Variants in C1QBP observed in about 807,000 individuals in gnomAD.
C1QBP encodes complement C1q binding protein.
A neutral mutation model predicts 29.4 loss-of-function variants in C1QBP; 24 were observed. That is an observed-to-expected ratio of 0.82 (90% CI 0.59 to 1.15). C1QBP has a LOEUF of 1.15. C1QBP is among the 50% of genes most tolerant of loss of function. The pLI, the probability that C1QBP is intolerant of heterozygous loss-of-function variation, is 0.00. For missense variants in C1QBP, 337 were observed against 355.8 expected (o/e 0.95, Z 0.43); for synonymous variants, 182 against 149.2 (o/e 1.22, Z -1.60).
intron 1 of C1QBP, 144 bp downstream of exon 1, chr17:5,438,698 T>C (rs1916339309): frequency 6.6e-7 from 1 of 1,513,790 alleles, no homozygotes; most frequent in Admixed American, 2.0e-5. Context: ...GTGGGGGAAA[T>C]ATGATCATAC....
chr17:5,433,811 T>C (rs987920324), intron 3 of C1QBP, 44 bp from the exon 4 acceptor site: 3 of 1,523,878 alleles, frequency 2.0e-6, no homozygotes, highest in Non-Finnish European at 2.7e-6. Context: ...TGGAAGGAGA[T>C]GGATGGCTGG....
chr17:5,437,410 C>T (rs1039410887), intron 2 of C1QBP, among the ~76,000 whole-genome samples: 5 of 152,210 alleles, frequency 3.3e-5, no homozygotes, highest in African/African-American at 1.2e-4. Context: ...GATCTCGACT[C>T]ACTGCAACCT....
Position 5,433,350 on chromosome 17 carries a change from A to C in C1QBP, c.642T>G (p.Thr214=). The C allele has an allele frequency of 1.9e-6, 3 of 1,614,176 alleles. No homozygotes were observed. The highest frequency in any genetic ancestry group is 2.5e-6 in the Non-Finnish European group (3 of 1,180,016). Residue 214 remains threonine (T), a synonymous_variant, in exon 5 of 6, where the codon ACT becomes ACG. Transcript: ENST00000225698. The part of the protein sequence containing the change: ...FSIREVSFQS[T]GESEWKDTNY... ...TAGTATCCTTCCATTCAGACTCGCC[A>C]GTGGACTGAAAGCTAACTTCCCTGA... is the stretch of plus-strand genomic sequence containing the variant.
At position 5,434,960 on chromosome 17, in the gene C1QBP, C is replaced by G. The variant is rs757702302; in HGVS notation, c.390G>C (p.Thr130=). The G allele has an allele frequency of 9.9e-6, 16 of 1,613,436 alleles. No homozygotes were observed. Among genetic ancestry groups the G allele is most frequent in the Non-Finnish European group, 1.4e-5 (16 of 1,179,636 alleles). The change falls in exon 3 of 6, where the codon ACG becomes ACC. Residue 130 remains threonine (T), a synonymous_variant. Transcript: ENST00000225698. ...TGCTGTTGTTAATGTTGAAAGTGACCGTGATTCTAAAACGGCAAGGGAAAA... is the reference window on the plus strand; with the variant it reads ...TGCTGTTGTTAATGTTGAAAGTGACGGTGATTCTAAAACGGCAAGGGAAAA... ...LVRKVAGEKI[T]VTFNINNSIP... is the part of the protein sequence containing the mutation.
Position 5,435,822 on chromosome 17 carries a change from G to C in C1QBP, c.384-856C>G, listed in dbSNP as rs1443035217. Among the ~76,000 whole-genome samples, 1,095 of 141,294 alleles carry C rather than the reference G, an allele frequency of 7.7e-3. 13 individuals carry two copies. The highest frequency in any genetic ancestry group is 0.028 in the African/African-American group (1,012 of 35,810). The allele number at this position is 141,294 out of a possible 152,430, so 92.7% of individuals were successfully genotyped here. ...AGGTGGGCAGATCACGAGGTCAAGAGATCGAGACCATCCTGGCCAACACGA... is the reference window on the plus strand; with the variant it reads ...AGGTGGGCAGATCACGAGGTCAAGACATCGAGACCATCCTGGCCAACACGA... On this transcript the variant is annotated intron_variant, in intron 2 of 5. Coordinates refer to ENST00000225698, the MANE Select transcript of C1QBP (RefSeq NM_001212.4).
At chr17:5,438,704 C>A in intron 1 of C1QBP, 138 bp downstream of exon 1, 1 of 1,525,092 alleles carries the variant, frequency 6.6e-7, no homozygotes, top group South Asian at 1.2e-5. Context: ...GAAATATGAT[C>A]ATACGTGGGT....
chr17:5,434,855 A>G lies in C1QBP; in HGVS notation c.477+18T>C, dbSNP rs1001095419. On this transcript the variant is annotated intron_variant, in intron 3 of 5. Coordinates refer to ENST00000225698, the MANE Select transcript of C1QBP (RefSeq NM_001212.4). ...CCTGTCAGAACTGAGGTAAAAGCTG[A>G]TTATAGTATTAGCTTACCTCCTGTT... 2.5e-6 allele frequency: 4 copies of G among 1,601,430 alleles called. No homozygotes were observed. The highest frequency in any genetic ancestry group is 3.4e-6 in the Non-Finnish European group (4 of 1,168,592).
At position 5,433,764 on chromosome 17, in the gene C1QBP, C is replaced by G. The variant is rs1172665782; in HGVS notation, c.481G>C (p.Glu161Gln). 2 of 1,613,916 alleles carry G rather than the reference C, an allele frequency of 1.2e-6. No individual in the cohort carries two copies. The highest frequency in any genetic ancestry group is 1.7e-6 in the Non-Finnish European group (2 of 1,179,878). Reference sequence around the variant, plus strand: ...ACGAAATTGGGAGTTGATGTCAGTTCAGGCTGGGGAAACAAGAAGTCAATA... The same window carrying G: ...ACGAAATTGGGAGTTGATGTCAGTTGAGGCTGGGGAAACAAGAAGTCAATA... ...QGQKVEEQEP[E>Q]LTSTPNFVVE... Residue 161 changes from glutamate to glutamine, a missense_variant, in exon 4 of 6, where the codon GAA (glutamate) becomes CAA (glutamine). Physicochemically the swap from Glu to Gln is conservative, Grantham distance 29. Transcript: ENST00000225698.
intron 1 of C1QBP, 44 bp downstream of exon 1, chr17:5,438,798 C>CGAA: frequency 6.5e-7 from 1 of 1,546,664 alleles, no homozygotes. Flanking sequence ...CTACGTTTTC[C>CGAA]CTCTGTTGAA....
intron 3 of C1QBP, 99 bp downstream of exon 3, chr17:5,434,774 T>G: frequency 8.2e-6 from 2 of 243,496 alleles, no homozygotes; most frequent in Non-Finnish European, 1.2e-5. Context: ...CTTAGAGGAA[T>G]TTTTTTTTTT....
intron 2 of C1QBP, among the ~76,000 whole-genome samples, chr17:5,435,585 A>G (rs970667523): frequency 2.6e-5 from 4 of 152,154 alleles, no homozygotes; most frequent in African/African-American, 7.2e-5. Flanking sequence ...ATCACAAAGC[A>G]GGCCAGACAC....
rs772201874 is a variant in C1QBP, at chr17:5,434,973, C to T, written c.384-7G>A. On this transcript the variant is annotated splice_region_variant and splice_polypyrimidine_tract_variant and intron_variant, in intron 2 of 5. Transcript: ENST00000225698. ...GTTGAAAGTGACCGTGATTCTAAAA[C>T]GGCAAGGGAAAACAGACAAGGCAAA... is the stretch of plus-strand genomic sequence containing the variant. 6.2e-6 allele frequency: 10 copies of T among 1,611,808 alleles called. No individual in the cohort carries two copies. Among genetic ancestry groups the T allele is most frequent in the African/African-American group, 2.7e-5 (2 of 74,830 alleles).
At chr17:5,438,624 G>A (rs983537843) in intron 1 of C1QBP, 1 of 973,070 alleles carries the variant, frequency 1.0e-6, no homozygotes, top group African/African-American at 1.7e-5. Flanking sequence ...AAGGAAAAAG[G>A]TACCCTAGTA....
intron 3 of C1QBP, chr17:5,434,663 T>C (rs940425320): frequency 5.6e-6 from 2 of 357,568 alleles, no homozygotes; most frequent in African/African-American, 2.1e-5. Flanking sequence ...AGACGGGGTT[T>C]CACCATGTTG....
Position 5,433,760 on chromosome 17 carries a change from A to G in C1QBP, c.485T>C (p.Leu162Pro). ...AACCACGAAATTGGGAGTTGATGTCAGTTCAGGCTGGGGAAACAAGAAGTC... is the reference window on the plus strand; with the variant it reads ...AACCACGAAATTGGGAGTTGATGTCGGTTCAGGCTGGGGAAACAAGAAGTC... Reference protein sequence around the residue: ...GQKVEEQEPELTSTPNFVVEV... With the variant: ...GQKVEEQEPEPTSTPNFVVEV... Residue 162 changes from leucine (L) to proline (P), a missense_variant, in exon 4 of 6, where the codon CTG (leucine) becomes CCG (proline). Physicochemically the swap from Leu to Pro is moderately conservative, Grantham distance 98 (BLOSUM62 -3). Coordinates refer to ENST00000225698, the MANE Select transcript of C1QBP (RefSeq NM_001212.4). The G allele has an allele frequency of 6.2e-7, 1 of 1,614,154 alleles. No individual in the cohort carries two copies. Among genetic ancestry groups the G allele is most frequent in the Non-Finnish European group, 8.5e-7 (1 of 1,179,982 alleles).
rs149482907 is a variant in C1QBP at position 5,436,384 on chromosome 17, G to A, written c.384-1418C>T. Among the ~76,000 whole-genome samples, 78 of 151,544 alleles carry A rather than the reference G, an allele frequency of 5.1e-4. 1 individual carries two copies. The highest frequency in any genetic ancestry group is 1.8e-3 in the African/African-American group (73 of 40,890). ...CCCTACTTCACACCATATTCAAAAT[G>A]AATCACAGACCTAAACTAAGAGCTA... On this transcript the variant is annotated intron_variant, in intron 2 of 5. Coordinates refer to ENST00000225698, the MANE Select transcript of C1QBP (RefSeq NM_001212.4).
intron 2 of C1QBP, 115 bp from the exon 3 acceptor site, chr17:5,435,081 T>C (rs1916235220): frequency 2.2e-6 from 2 of 919,258 alleles, no homozygotes; most frequent in East Asian, 2.5e-5. Context: ...ATTGAAACAA[T>C]GTCTCTGTCC....
At chr17:5,438,481 G>A in intron 1 of C1QBP, 1 of 723,814 alleles carries the variant, frequency 1.4e-6, no homozygotes, top group Non-Finnish European at 2.2e-6. Flanking sequence ...TTCCAACAAT[G>A]AACGCATTAC....
intron 2 of C1QBP, among the ~76,000 whole-genome samples, 178 bp downstream of exon 2, chr17:5,437,945 T>A (rs946677051): frequency 6.6e-6 from 1 of 152,238 alleles, no homozygotes; most frequent in African/African-American, 2.4e-5. Context: ...AGCAAATTTG[T>A]GTTCGGTGAA....
Sources: allele counts gnomAD v4.1 joint callset (sites outside exome capture counted in the v4.1 genomes callset), GRCh38; gene constraint gnomAD v4.1.1; transcripts MANE v1.5; gene names NCBI Gene and HGNC (gene_info 2026-07-23, HGNC 2026-07-21).